The following BCL2 variants were observed in gnomAD, a reference collection of about 807,000 sequenced individuals.
The protein encoded by BCL2 is apoptosis regulator Bcl-2.
In BCL2, 1 loss-of-function variant was observed where a neutral mutation model predicts 14.2. That is an observed-to-expected ratio of 0.07 (90% CI 0.02 to 0.33). BCL2 has a LOEUF of 0.33. BCL2 is among the 10% of genes least tolerant of loss of function. BCL2 has a pLI of 0.99. For synonymous variants in BCL2, 151 were observed against 137.2 expected (o/e 1.10, Z -0.70); for missense variants, 247 against 305.9 (o/e 0.81, Z 1.44).
chr18:63,317,728 C>T, intron 2 of BCL2: 1 of 1,130,964 alleles, frequency 8.8e-7, no homozygotes, highest in Non-Finnish European at 1.1e-6. Flanking sequence ...CCTCCGGTTC[C>T]AACAAGCTGC....
intron 2 of BCL2, among the ~76,000 whole-genome samples, chr18:63,173,245 T>G (rs1025148441): frequency 2.1e-4 from 32 of 152,350 alleles, no homozygotes; most frequent in Middle Eastern, 3.4e-3. Context: ...ATTCTCCTTT[T>G]TGTTTTATTC....
intron 2 of BCL2, among the ~76,000 whole-genome samples, chr18:63,184,001 C>T (rs1433273845): frequency 2.0e-5 from 3 of 152,278 alleles, no homozygotes; most frequent in Non-Finnish European, 2.9e-5. Flanking sequence ...GTGGCACAGA[C>T]GCATGACAGA....
Position 63,259,899 on chromosome 18 carries a change from TAAGGCTGACTACATTC to T in BCL2, c.585+58167_585+58182del, listed in dbSNP as rs1911605354. On this transcript the variant is annotated intron_variant, in intron 2 of 2. Transcript: ENST00000333681. ...ATACAGAAGAGAGTGTGGATCCATT[TAAGGCTGACTACATTC>T]AATTGCACACATCTGCTTTCTAATT... 2.0e-5 allele frequency among the ~76,000 whole-genome samples: 3 copies of T among 152,338 alleles called. No individual in the cohort carries two copies. The East Asian group carries it at 5.8e-4, about 29-fold the overall frequency.
intron 2 of BCL2, among the ~76,000 whole-genome samples, chr18:63,158,840 A>G (rs1387539985): frequency 6.6e-6 from 1 of 152,242 alleles, no homozygotes; most frequent in Non-Finnish European, 1.5e-5. Flanking sequence ...TAGATAAGTT[A>G]ATTTTTAAAA....
intron 2 of BCL2, among the ~76,000 whole-genome samples, chr18:63,158,485 CTGACAGCCAG>C (rs1217692100): frequency 2.2e-4 from 34 of 152,116 alleles, no homozygotes; most frequent in Non-Finnish European, 8.8e-5. Flanking sequence ...CCCAGGCAGC[CTGACAGCCAG>C]TGAGCAGAAA....
intron 2 of BCL2, among the ~76,000 whole-genome samples, chr18:63,141,991 G>T (rs935942829): frequency 9.9e-5 from 15 of 152,260 alleles, no homozygotes; most frequent in African/African-American, 3.6e-4. Flanking sequence ...GAAAGCAGAT[G>T]CTTGTTAAGT....
intron 2 of BCL2, among the ~76,000 whole-genome samples, chr18:63,228,262 A>G (rs572295052): frequency 6.6e-6 from 1 of 152,322 alleles, no homozygotes; most frequent in East Asian, 1.9e-4. Flanking sequence ...AAATATTATC[A>G]CATTAGAGGT....
chr18:63,149,336 A>G lies in BCL2; in HGVS notation c.586-20577T>C, dbSNP rs1271801565. The stretch of plus-strand genomic sequence containing the variant: ...AGGGTTTGCACTCCTAGGAAAACCT[A>G]ATGTCGCCACTGATCTGACAGGAGC... On this transcript the variant is annotated intron_variant, in intron 2 of 2. Transcript: ENST00000333681. The surrounding 1 kb of genome is among the most constrained non-coding windows in gnomAD (Gnocchi z 4.2). 6.6e-6 allele frequency among the ~76,000 whole-genome samples: 1 copy of G among 152,194 alleles called. No individual in the cohort carries two copies. Among genetic ancestry groups the G allele is most frequent in the Non-Finnish European group, 1.5e-5 (1 of 68,022 alleles).
chr18:63,273,369 C>T (rs946087839), intron 2 of BCL2, among the ~76,000 whole-genome samples: 6 of 152,158 alleles, frequency 3.9e-5, no homozygotes, highest in Non-Finnish European at 7.4e-5. Context: ...TAATATGCCA[C>T]CAACTTTCCT....
chr18:63,154,485 C>G (rs1049393105), intron 2 of BCL2, among the ~76,000 whole-genome samples: 1 of 152,174 alleles, frequency 6.6e-6, no homozygotes, highest in Non-Finnish European at 1.5e-5. Context: ...ACCCACGCTT[C>G]CAGACTCCCC....
intron 2 of BCL2, among the ~76,000 whole-genome samples, chr18:63,185,648 G>A (rs767652307): frequency 6.6e-6 from 1 of 152,204 alleles, no homozygotes; most frequent in Admixed American, 6.5e-5. Flanking sequence ...AGTCTAGGTA[G>A]TAACCCTCAC....
intron 2 of BCL2, among the ~76,000 whole-genome samples, chr18:63,281,053 A>G (rs555559932): frequency 5.9e-5 from 9 of 152,334 alleles, no homozygotes; most frequent in African/African-American, 1.9e-4. Context: ...TGAACCTTGA[A>G]GACATCATGC....
In BCL2 at chr18:63,125,590, G is replaced by A. The variant is rs898523335; in HGVS notation, c.*3035C>T. The A allele has an allele frequency of 1.9e-4, 41 of 213,382 alleles. No homozygotes were observed. The highest frequency in any genetic ancestry group is 7.9e-4 in the African/African-American group (35 of 44,234). 13.2% of individuals were successfully genotyped at this position (213,382 alleles called of 1,614,324 possible). A position where few individuals can be genotyped will look rare whatever the true frequency, so the allele number is the denominator to read the frequency against. ...AGGACTGTTTTTTCATTCATAAAGAGCAGTTAAGATGCAGATGTGAATCCC... is the reference window on the plus strand; with the variant it reads ...AGGACTGTTTTTTCATTCATAAAGAACAGTTAAGATGCAGATGTGAATCCC... On this transcript the variant is annotated 3_prime_UTR_variant, in exon 3 of 3. Coordinates refer to ENST00000333681, the MANE Select transcript of BCL2 (RefSeq NM_000633.3).
At chr18:63,287,051 G>A (rs1012622723) in intron 2 of BCL2, among the ~76,000 whole-genome samples, 2 of 152,108 alleles carry the variant, frequency 1.3e-5, no homozygotes, top group Non-Finnish European at 2.9e-5. Context: ...GCTTCTTGTG[G>A]CAGTTGTTCT....
intron 2 of BCL2, among the ~76,000 whole-genome samples, chr18:63,299,675 C>T (rs983597628): frequency 1.3e-5 from 2 of 152,208 alleles, no homozygotes; most frequent in Admixed American, 1.3e-4. Context: ...ATTCCATCCC[C>T]AACTGCCTCT....
At position 63,127,615 on chromosome 18, in the gene BCL2, C is replaced by A; in HGVS notation, c.*1010G>T. 4.3e-6 allele frequency: 1 copy of A among 231,080 alleles called. No individual in the cohort carries two copies. Among genetic ancestry groups the A allele is most frequent in the Non-Finnish European group, 8.6e-6 (1 of 116,616 alleles). 14.3% of individuals were successfully genotyped at this position (231,080 alleles called of 1,614,324 possible). On this transcript the variant is annotated 3_prime_UTR_variant, in exon 3 of 3. Coordinates refer to ENST00000333681, the MANE Select transcript of BCL2 (RefSeq NM_000633.3). ...TGAGGGCCCCGGCTCAGTTCCAGGACCAGGCCTCCAAGCTGGGACACAGGC... is the reference window on the plus strand; with the variant it reads ...TGAGGGCCCCGGCTCAGTTCCAGGAACAGGCCTCCAAGCTGGGACACAGGC...
Position 63,184,783 on chromosome 18 carries a change from C to T in BCL2, c.586-56024G>A, listed in dbSNP as rs4987791. Among the ~76,000 whole-genome samples the T allele has an allele frequency of 8.0e-4, 122 of 152,340 alleles. 4 individuals are homozygous for T. In the East Asian group the frequency reaches 0.019, roughly 24 times the overall value. ...CCTTGAAGGCGCCTTGAGGGCCATA[C>T]TCTTAGTCTTCCCCTGATGACATCC... On this transcript the variant is annotated intron_variant, in intron 2 of 2. Coordinates refer to ENST00000333681, the MANE Select transcript of BCL2 (RefSeq NM_000633.3).
At chr18:63,206,912 G>A (rs1909852963) in intron 2 of BCL2, among the ~76,000 whole-genome samples, 1 of 152,132 alleles carries the variant, frequency 6.6e-6, no homozygotes, top group Non-Finnish European at 1.5e-5. Flanking sequence ...TGGACACACA[G>A]TAAAAAGGGG....
At chr18:63,247,511 G>C (rs1028644415) in intron 2 of BCL2, among the ~76,000 whole-genome samples, 1 of 151,906 alleles carries the variant, frequency 6.6e-6, no homozygotes, top group Admixed American at 6.6e-5. Flanking sequence ...ATAGGATCTT[G>C]GTACTTCCTT....
Sources: gnomAD v4.1 joint callset for allele counts (sites outside exome capture counted in the v4.1 genomes callset) on GRCh38, gnomAD v4.1.1 for gene constraint, Gnocchi (gnomAD v3.1) non-coding constraint, MANE v1.5 for transcripts, NCBI Gene and HGNC (gene_info 2026-07-23, HGNC 2026-07-21) for gene names.